Variants in IL1RAP observed in about 807,000 individuals in gnomAD.
IL1RAP encodes interleukin-1 receptor accessory protein.
A neutral mutation model predicts 60.7 loss-of-function variants in IL1RAP; 35 were observed. The ratio of observed to expected loss-of-function variants is 0.58; its 90% CI spans 0.44 to 0.76. The LOEUF (loss-of-function observed/expected upper bound fraction) is 0.76, where lower values mean the gene tolerates loss of function less well. Among genes scored for constraint, IL1RAP ranks in the 30% least tolerant of loss-of-function variants. The pLI is 0.00. For missense variants in IL1RAP, 572 were observed against 693.9 expected (o/e 0.82, Z 1.97); for synonymous variants, 268 against 250.9 (o/e 1.07, Z -0.64).
chr3:190,591,274 G>A (rs895452525), intron 3 of IL1RAP, among the ~76,000 whole-genome samples: 1 of 152,168 alleles, frequency 6.6e-6, no homozygotes. Flanking sequence ...TTACACATGG[G>A]AATATTTAAT....
chr3:190,546,927 G>A (rs1173398549), intron 1 of IL1RAP, among the ~76,000 whole-genome samples: 3 of 152,184 alleles, frequency 2.0e-5, no homozygotes, highest in African/African-American at 7.2e-5. Flanking sequence ...GAAAGCTTAG[G>A]ATGTGGCCAC....
chr3:190,593,537 G>A (rs535850566), intron 3 of IL1RAP, among the ~76,000 whole-genome samples: 1 of 152,300 alleles, frequency 6.6e-6, no homozygotes, highest in South Asian at 2.1e-4. Flanking sequence ...GTTGACTCCA[G>A]TTCCACATGG....
intron 2 of IL1RAP, among the ~76,000 whole-genome samples, chr3:190,556,508 A>G (rs1725441939): frequency 6.6e-6 from 1 of 152,148 alleles, no homozygotes; most frequent in Non-Finnish European, 1.5e-5. Context: ...AAAAATGAGG[A>G]TATGAGGCCT....
At chr3:190,652,576 A>T (rs1385558044), downstream of IL1RAP, among the ~76,000 whole-genome samples, 1 of 152,182 alleles carries the variant, frequency 6.6e-6, no homozygotes, top group Admixed American at 6.5e-5. Context: ...AACCAGCCCC[A>T]AAAGTGTAGG....
intron 3 of IL1RAP, among the ~76,000 whole-genome samples, chr3:190,592,025 G>C: frequency 6.6e-6 from 1 of 152,110 alleles, no homozygotes; most frequent in East Asian, 1.9e-4. Context: ...CTTTTGGTTT[G>C]TTTGTTTGTT....
intron 5 of IL1RAP, 30 bp downstream of exon 5, chr3:190,609,211 C>G: frequency 7.0e-7 from 1 of 1,426,928 alleles, no homozygotes; most frequent in African/African-American, 1.4e-5. Context: ...ATTTTATTCT[C>G]TCTAATGGCT....
chr3:190,658,323 A>G (rs1420885591), exon 12 of IL1RAP: 2 of 152,192 alleles, frequency 1.3e-5, no homozygotes, highest in East Asian at 3.9e-4. Flanking sequence ...CATATCTCCA[A>G]ATGGAATTTT....
At chr3:190,542,750 C>T (rs750841741) in intron 1 of IL1RAP, among the ~76,000 whole-genome samples, 3 of 152,124 alleles carry the variant, frequency 2.0e-5, no homozygotes, top group Non-Finnish European at 4.4e-5. Context: ...TGAAAGGGCT[C>T]AAGGAATTTC....
intron 3 of IL1RAP, among the ~76,000 whole-genome samples, chr3:190,568,533 A>G (rs949299645): frequency 2.0e-5 from 3 of 152,228 alleles, no homozygotes; most frequent in Admixed American, 6.5e-5. Flanking sequence ...GAATTATACA[A>G]TGCAAAATAA....
chr3:190,562,360 T>G (rs1263099226), intron 2 of IL1RAP, among the ~76,000 whole-genome samples: 1 of 152,064 alleles, frequency 6.6e-6, no homozygotes, highest in Admixed American at 6.6e-5. Flanking sequence ...TTTTACTTCA[T>G]ATTGCAGGGG....
chr3:190,648,239 A>T, intron 11 of IL1RAP, 99 bp from the exon 12 acceptor site: 1 of 1,463,504 alleles, frequency 6.8e-7, no homozygotes, highest in South Asian at 1.4e-5. Context: ...CTCAATTCTT[A>T]GGCTGGTACC....
At chr3:190,549,605 C>A (rs1724685716) in intron 1 of IL1RAP, among the ~76,000 whole-genome samples, 1 of 152,160 alleles carries the variant, frequency 6.6e-6, no homozygotes, top group Admixed American at 6.5e-5. Flanking sequence ...CTCAAAAATC[C>A]TGAGGCCTTT....
chr3:190,627,500 T>C, intron 8 of IL1RAP, 51 bp downstream of exon 8: 2 of 1,564,660 alleles, frequency 1.3e-6, no homozygotes, highest in Non-Finnish European at 1.7e-6. Context: ...CTCAACTTAA[T>C]GATCTCTGAT....
In IL1RAP at chr3:190,650,683, A is replaced by ATC; in HGVS notation, c.*1978_*1979insTC. 1.0e-6 allele frequency: 1 copy of ATC among 961,060 alleles called. No homozygotes were observed. The highest frequency in any genetic ancestry group is 1.2e-6 in the Non-Finnish European group (1 of 807,762). 59.5% of individuals were successfully genotyped at this position (961,060 alleles called of 1,614,324 possible). On this transcript the variant is annotated 3_prime_UTR_variant, in exon 12 of 12. Transcript: ENST00000447382. Reference sequence around the variant, plus strand: ...AGTTTCACTTGGATGAAAAAAGTAGAAAAGTAGGTCATTCTTGGATCTACT... The same window carrying ATC: ...AGTTTCACTTGGATGAAAAAAGTAGATCAAAGTAGGTCATTCTTGGATCTACT...
intron 2 of IL1RAP, among the ~76,000 whole-genome samples, chr3:190,557,958 C>T (rs1052917163): frequency 1.4e-4 from 22 of 152,088 alleles, no homozygotes; most frequent in African/African-American, 3.9e-4. Context: ...TCCCATTATC[C>T]CTAACCCCTT....
At chr3:190,562,383 G>C (rs1040874641) in intron 2 of IL1RAP, among the ~76,000 whole-genome samples, 1 of 149,984 alleles carries the variant, frequency 6.7e-6, no homozygotes, top group African/African-American at 2.4e-5. Context: ...TTTTTTTTTG[G>C]TGCACATTTT....
chr3:190,569,721 T>A (rs1451227401), intron 3 of IL1RAP, among the ~76,000 whole-genome samples: 1 of 152,224 alleles, frequency 6.6e-6, no homozygotes, highest in Non-Finnish European at 1.5e-5. Context: ...GATACTGAGT[T>A]TGCAAATACA....
rs1241880822 is a variant in IL1RAP at position 190,595,644 on chromosome 3, G to A, written c.65-8484G>A. 9.2e-5 allele frequency among the ~76,000 whole-genome samples: 14 copies of A among 152,254 alleles called. No homozygotes were observed. The East Asian group carries it at 2.5e-3, about 27-fold the overall frequency. On this transcript the variant is annotated intron_variant, in intron 3 of 11. Transcript: ENST00000447382. The stretch of plus-strand genomic sequence containing the variant: ...GGCTTAGATAGGACTACTAGCACAC[G>A]CAGATGGGACAGTTTCTAAGTGGCC...
chr3:190,568,650 G>T (rs1193397122), intron 3 of IL1RAP, among the ~76,000 whole-genome samples: 3 of 152,072 alleles, frequency 2.0e-5, no homozygotes, highest in Non-Finnish European at 4.4e-5. Context: ...ATCACTTTTT[G>T]TCATTGCATC....
Sources: allele counts gnomAD v4.1 joint callset (sites outside exome capture counted in the v4.1 genomes callset), GRCh38; gene constraint gnomAD v4.1.1; transcripts MANE v1.5; gene names NCBI Gene and HGNC (gene_info 2026-07-23, HGNC 2026-07-21).